The following ADGRL3 variants were observed in gnomAD, a reference collection of about 807,000 sequenced individuals.
ADGRL3 encodes the protein calcium-independent alpha-latrotoxin receptor 3.
A neutral mutation model predicts 153.5 loss-of-function variants in ADGRL3; 62 were observed. The observed-to-expected ratio is 0.40, with a 90% CI of 0.33 to 0.50. ADGRL3 has a LOEUF of 0.50. Ranked by LOEUF, ADGRL3 falls within the 20% of genes least tolerant of loss-of-function variation. The pLI is 0.47. For missense variants in ADGRL3, 1,641 were observed against 1,859.4 expected (o/e 0.88, Z 2.16); for synonymous variants, 710 against 672.5 (o/e 1.06, Z -0.86).
rs201995305 is a variant in ADGRL3, at chr4:62,016,206, G to T, written c.3396-12649G>T. On this transcript the variant is annotated intron_variant, in intron 21 of 26. Transcript: ENST00000683033. The stretch of plus-strand genomic sequence containing the variant: ...TGGGACTACAGGCACATACTACCAT[G>T]CCCAGCTAATTTTTGTATTTTTAGT... 1.8e-4 allele frequency among the ~76,000 whole-genome samples: 27 copies of T among 151,988 alleles called. No homozygotes were observed. The East Asian group carries it at 5.0e-3, about 28-fold the overall frequency.
chr4:61,859,160 C>T (rs1182207906), intron 9 of ADGRL3, among the ~76,000 whole-genome samples: 1 of 152,094 alleles, frequency 6.6e-6, no homozygotes, highest in Non-Finnish European at 1.5e-5. Context: ...AATTGTACCA[C>T]CTGAAATAGA....
intron 2 of ADGRL3, among the ~76,000 whole-genome samples, chr4:61,456,375 CTA>C (rs558941032): frequency 0.016 from 1,725 of 110,100 alleles, 69 homozygotes; most frequent in African/African-American, 0.05. Context: ...ATAGATATAT[CTA>C]TATATATATA....
chr4:61,750,919 G>T (rs1002836134), intron 8 of ADGRL3, among the ~76,000 whole-genome samples: 8 of 152,332 alleles, frequency 5.3e-5, no homozygotes, highest in Admixed American at 2.0e-4. Flanking sequence ...TGTAGAGCAG[G>T]ATTCCTCCGT....
At chr4:61,868,227 T>C (rs2098415088) in intron 9 of ADGRL3, among the ~76,000 whole-genome samples, 1 of 152,152 alleles carries the variant, frequency 6.6e-6, no homozygotes, top group Non-Finnish European at 1.5e-5. Context: ...AGTAATTCAG[T>C]GATTGAGACT....
Position 61,678,682 on chromosome 4 carries a change from C to T in ADGRL3, c.583+1747C>T, listed in dbSNP as rs2095266562. Among the ~76,000 whole-genome samples, 2 of 151,782 alleles carry T rather than the reference C, an allele frequency of 1.3e-5. 1 individual carries two copies. The highest frequency in any genetic ancestry group is 1.3e-4 in the Admixed American group (2 of 15,188). ...ATAATCCTGAAAGTTTACTGCCTGCCTTAGAAATATTATATCAAAATATTT... is the reference window on the plus strand; with the variant it reads ...ATAATCCTGAAAGTTTACTGCCTGCTTTAGAAATATTATATCAAAATATTT... On this transcript the variant is annotated intron_variant, in intron 6 of 26. Transcript: ENST00000683033.
intron 6 of ADGRL3, among the ~76,000 whole-genome samples, chr4:61,697,198 T>C (rs1367130382): frequency 6.6e-6 from 1 of 152,116 alleles, no homozygotes; most frequent in Non-Finnish European, 1.5e-5. Flanking sequence ...TTATGATGGA[T>C]GGGTAAAATC....
intron 1 of ADGRL3, among the ~76,000 whole-genome samples, chr4:61,378,533 GT>G (rs1164947788): frequency 6.6e-6 from 1 of 151,946 alleles, no homozygotes; most frequent in Non-Finnish European, 1.5e-5. Flanking sequence ...TCAGCACAGT[GT>G]TTAAAACTTT....
chr4:61,645,835 G>A (rs907194301), intron 5 of ADGRL3, among the ~76,000 whole-genome samples: 25 of 152,204 alleles, frequency 1.6e-4, no homozygotes, highest in African/African-American at 4.6e-4. Context: ...GTTGGCCTGC[G>A]TTGCTAGAAT....
rs773309736 is a variant in ADGRL3, at chr4:61,770,377, T to C, written c.1399+36823T>C. On this transcript the variant is annotated intron_variant, in intron 8 of 26. Coordinates refer to ENST00000683033, the MANE Select transcript of ADGRL3 (RefSeq NM_001387552.1). ...AAGCAAGAGTTATCTCCCAGGAAGT[T>C]TGCATAGCAAAAAGATCACCCGCAG... 5.6e-4 allele frequency among the ~76,000 whole-genome samples: 85 copies of C among 152,238 alleles called. 1 individual carries two copies. Among genetic ancestry groups the C allele is most frequent in the Admixed American group, 7.9e-4 (12 of 15,276 alleles).
intron 1 of ADGRL3, among the ~76,000 whole-genome samples, chr4:61,292,062 T>A (rs2094239973): frequency 6.6e-6 from 1 of 151,462 alleles, no homozygotes; most frequent in Non-Finnish European, 1.5e-5. Context: ...ACAAATGAGA[T>A]GGAAACTGTG....
chr4:61,509,612 G>T (rs62303962), intron 3 of ADGRL3, among the ~76,000 whole-genome samples: 13,829 of 151,772 alleles, frequency 0.091, 683 homozygotes, highest in Non-Finnish European at 0.1. Context: ...CTTCCATGCT[G>T]TGTGTGTGTG....
intron 5 of ADGRL3, among the ~76,000 whole-genome samples, chr4:61,592,247 A>T (rs925034823): frequency 6.6e-6 from 1 of 152,038 alleles, no homozygotes; most frequent in African/African-American, 2.4e-5. Context: ...AGGAGGTGAA[A>T]TGCCAGTGGC....
chr4:61,747,611 T>G (rs1487043298), intron 8 of ADGRL3, among the ~76,000 whole-genome samples: 9 of 146,378 alleles, frequency 6.1e-5, no homozygotes, highest in Admixed American at 5.5e-4. Flanking sequence ...AAAAACCACA[T>G]GATTATCTCA....
intron 13 of ADGRL3, among the ~76,000 whole-genome samples, chr4:61,914,245 T>C (rs1374190973): frequency 6.6e-6 from 1 of 152,102 alleles, no homozygotes; most frequent in African/African-American, 2.4e-5. Flanking sequence ...CAGCTAAATT[T>C]GTAGTTGGCC....
At chr4:61,456,914 C>A (rs1169535003) in intron 2 of ADGRL3, among the ~76,000 whole-genome samples, 1 of 151,902 alleles carries the variant, frequency 6.6e-6, no homozygotes, top group Non-Finnish European at 1.5e-5. Flanking sequence ...TAGGAGTAGG[C>A]TGTTTTTCTA....
At chr4:61,262,922 G>A (rs1355863180) in intron 1 of ADGRL3, among the ~76,000 whole-genome samples, 1 of 152,060 alleles carries the variant, frequency 6.6e-6, no homozygotes, top group Non-Finnish European at 1.5e-5. Context: ...TTCTGGACCA[G>A]CCACCAGTTT....
chr4:61,222,243 CCTTT>C (rs1462617217), intron 1 of ADGRL3, among the ~76,000 whole-genome samples: 2 of 151,924 alleles, frequency 1.3e-5, no homozygotes, highest in Non-Finnish European at 2.9e-5. Flanking sequence ...CTTATCTTTA[CCTTT>C]CTTTTAAATC....
intron 4 of ADGRL3, among the ~76,000 whole-genome samples, chr4:61,546,105 T>C (rs2098712754): frequency 6.6e-6 from 1 of 152,138 alleles, no homozygotes; most frequent in South Asian, 2.1e-4. Flanking sequence ...GCTTCTGCTC[T>C]TACCCACTTG....
chr4:61,355,088 C>A (rs947690605), intron 1 of ADGRL3, among the ~76,000 whole-genome samples: 1 of 152,028 alleles, frequency 6.6e-6, no homozygotes, highest in African/African-American at 2.4e-5. Flanking sequence ...TATTCTAAGG[C>A]CAGTTCCTTA....
Sources: allele counts gnomAD v4.1 joint callset (sites outside exome capture counted in the v4.1 genomes callset), GRCh38; gene constraint gnomAD v4.1.1; transcripts MANE v1.5; gene names NCBI Gene and HGNC (gene_info 2026-07-23, HGNC 2026-07-21).